SIPA1L1: variants seen among roughly 807,000 people sequenced by gnomAD.
SIPA1L1 encodes the protein signal-induced proliferation-associated 1-like protein 1.
A neutral mutation model predicts 162.7 loss-of-function variants in SIPA1L1; 26 were observed. The observed-to-expected ratio is 0.16, with a 90% CI of 0.12 to 0.22. The LOEUF is 0.22. SIPA1L1 is among the 10% of genes least tolerant of loss of function. SIPA1L1 has a pLI of 1.00. For synonymous variants in SIPA1L1, 829 were observed against 837.4 expected (o/e 0.99, Z 0.17); for missense variants, 1,874 against 2,241.0 (o/e 0.84, Z 3.31).
chr14:71,691,044 C>T (rs74904927), intron 13 of SIPA1L1, among the ~76,000 whole-genome samples: 27 of 152,310 alleles, frequency 1.8e-4, no homozygotes, highest in Non-Finnish European at 3.2e-4. Flanking sequence ...AAGTAGGATT[C>T]GTTATCAACT....
chr14:71,513,327 G>A (rs2051355409), intron 3 of SIPA1L1, among the ~76,000 whole-genome samples: 1 of 152,030 alleles, frequency 6.6e-6, no homozygotes, highest in African/African-American at 2.4e-5. Flanking sequence ...ATGATTTGAT[G>A]TTGGAATTTG....
chr14:71,462,205 C>T (rs1010083352), intron 2 of SIPA1L1, among the ~76,000 whole-genome samples: 1 of 152,176 alleles, frequency 6.6e-6, no homozygotes, highest in African/African-American at 2.4e-5. Flanking sequence ...AGCTGTCTCT[C>T]AAAAGGAGAG....
intron 2 of SIPA1L1, among the ~76,000 whole-genome samples, chr14:71,406,226 G>A (rs2042016782): frequency 6.6e-6 from 1 of 152,144 alleles, no homozygotes; most frequent in African/African-American, 2.4e-5. Context: ...CTGAGATGGA[G>A]AAGCCTCAAA....
chr14:71,403,087 C>G (rs1042236412), intron 2 of SIPA1L1, among the ~76,000 whole-genome samples: 9 of 152,018 alleles, frequency 5.9e-5, no homozygotes, highest in Non-Finnish European at 1.5e-5. Flanking sequence ...CCTATTAATG[C>G]CACTTATATG....
rs1183775666 is a variant in SIPA1L1, at chr14:71,588,276, T to A, written c.404T>A (p.Ile135Lys). The change falls in exon 5 of 24, where the codon ATA (isoleucine) becomes AAA (lysine). Residue 135 changes from isoleucine to lysine, a missense_variant. Transcript: ENST00000381232. The surrounding 1 kb of genome is among the most constrained non-coding windows in gnomAD (Gnocchi z 4.3). ...NSNDSAMLKS[I>K]QNTLKNKTRP... The stretch of plus-strand genomic sequence containing the variant: ...AATGACTCAGCCATGCTGAAAAGCA[T>A]ACAGAACACGCTGAAAAACAAGACA... The A allele has an allele frequency of 6.2e-7, 1 of 1,614,102 alleles. No individual in the cohort carries two copies. Among genetic ancestry groups the A allele is most frequent in the Non-Finnish European group, 8.5e-7 (1 of 1,180,002 alleles).
chr14:71,422,628 A>AT (rs2140667390), intron 2 of SIPA1L1, among the ~76,000 whole-genome samples: 1 of 152,324 alleles, frequency 6.6e-6, no homozygotes, highest in South Asian at 2.1e-4. Context: ...ATGTCTGAAG[A>AT]TTCATCTGTG....
At chr14:71,645,284 C>T (rs2042061686) in intron 7 of SIPA1L1, among the ~76,000 whole-genome samples, 1 of 152,170 alleles carries the variant, frequency 6.6e-6, no homozygotes, top group Non-Finnish European at 1.5e-5. Flanking sequence ...GGCTACTCTC[C>T]CCATCTGTTA....
At chr14:71,517,639 C>G (rs2051874551) in intron 3 of SIPA1L1, among the ~76,000 whole-genome samples, 1 of 152,168 alleles carries the variant, frequency 6.6e-6, no homozygotes. Flanking sequence ...TACATTCCCA[C>G]CAGAGCATCT....
At chr14:71,683,624 G>A (rs1247385726) in intron 12 of SIPA1L1, among the ~76,000 whole-genome samples, 2 of 152,110 alleles carry the variant, frequency 1.3e-5, no homozygotes, top group East Asian at 3.8e-4. Context: ...ACCAAAAAAG[G>A]GTTGCAGTGG....
At chr14:71,464,034 G>A (rs1567057700) in intron 2 of SIPA1L1, among the ~76,000 whole-genome samples, 1 of 152,174 alleles carries the variant, frequency 6.6e-6, no homozygotes, top group Non-Finnish European at 1.5e-5. Flanking sequence ...CCCACCATGA[G>A]ATCTGACATA....
intron 2 of SIPA1L1, among the ~76,000 whole-genome samples, chr14:71,451,442 T>C (rs2045812212): frequency 6.6e-6 from 1 of 151,876 alleles, no homozygotes; most frequent in Non-Finnish European, 1.5e-5. Context: ...AAAACCAGCC[T>C]GGGCCATATA....
intron 9 of SIPA1L1, among the ~76,000 whole-genome samples, chr14:71,659,642 G>T (rs889357868): frequency 1.3e-5 from 2 of 152,122 alleles, no homozygotes; most frequent in Non-Finnish European, 2.9e-5. Context: ...GATCCTTAAA[G>T]AGAGCATAAA....
chr14:71,713,391 A>T (rs1011904546), intron 17 of SIPA1L1, among the ~76,000 whole-genome samples: 12 of 152,270 alleles, frequency 7.9e-5, no homozygotes, highest in African/African-American at 2.9e-4. Flanking sequence ...TTTGTGTAGC[A>T]TGAAGTCTTA....
chr14:71,533,400 C>T (rs1022200680), intron 4 of SIPA1L1, among the ~76,000 whole-genome samples: 28 of 152,158 alleles, frequency 1.8e-4, no homozygotes, highest in African/African-American at 6.5e-4. Flanking sequence ...TTTCCCAGCG[C>T]TGTGTCTGCT....
At chr14:71,734,189 C>A (rs749981368) in intron 21 of SIPA1L1, among the ~76,000 whole-genome samples, 2 of 152,260 alleles carry the variant, frequency 1.3e-5, no homozygotes, top group African/African-American at 2.4e-5. Flanking sequence ...CTTGGCCACG[C>A]GCCTATCCTC....
intron 2 of SIPA1L1, chr14:71,330,622 T>G (rs879080940): frequency 2.1e-6 from 2 of 949,922 alleles, no homozygotes. Flanking sequence ...TGTGATGGTT[T>G]GGGGCGGAAA....
At chr14:71,571,502 A>C (rs2032011563) in intron 4 of SIPA1L1, among the ~76,000 whole-genome samples, 1 of 152,180 alleles carries the variant, frequency 6.6e-6, no homozygotes, top group Non-Finnish European at 1.5e-5. Flanking sequence ...ATATAACATA[A>C]AAAAAACTGG....
chr14:71,544,250 G>GTA (rs1439506072), intron 4 of SIPA1L1, among the ~76,000 whole-genome samples: 3 of 149,308 alleles, frequency 2.0e-5, no homozygotes, highest in Non-Finnish European at 4.4e-5. Context: ...ATACACATAT[G>GTA]TATATACACA....
At chr14:71,372,181 C>T (rs539976387) in intron 2 of SIPA1L1, among the ~76,000 whole-genome samples, 6 of 152,236 alleles carry the variant, frequency 3.9e-5, no homozygotes, top group Admixed American at 1.3e-4. Context: ...TATGCTGGCT[C>T]ACCTTCCTGT....
Sources: allele counts gnomAD v4.1 joint callset (sites outside exome capture counted in the v4.1 genomes callset), GRCh38; gene constraint gnomAD v4.1.1; non-coding constraint Gnocchi (gnomAD v3.1); transcripts MANE v1.5; gene names NCBI Gene and HGNC (gene_info 2026-07-23, HGNC 2026-07-21).